Variants in CMBL observed in about 807,000 individuals in gnomAD.
CMBL encodes the protein carboxymethylenebutenolidase homolog.
In CMBL, 17 loss-of-function variants were observed where a neutral mutation model predicts 28.7. That is an observed-to-expected ratio of 0.59 (90% CI 0.41 to 0.89). CMBL has a LOEUF of 0.89. CMBL is among the 40% of genes least tolerant of loss of function. The probability of loss-of-function intolerance (pLI) is 0.00; values close to 1 mark genes in which losing one functional copy is unlikely to be tolerated. For synonymous variants in CMBL, 106 were observed against 101.6 expected, an observed-to-expected ratio of 1.04 and a Z score of -0.26; for missense variants, 310 against 298.5, an observed-to-expected ratio of 1.04 and a Z score of -0.28.
At chr5:10,291,618 G>A (rs2578633) in intron 1 of CMBL, among the ~76,000 whole-genome samples, 3 of 151,086 alleles carry the variant, frequency 2.0e-5, no homozygotes, top group Non-Finnish European at 4.4e-5. Flanking sequence ...CCGAGATCGC[G>A]CCACTGCACT....
intron 4 of CMBL, 138 bp downstream of exon 4, chr5:10,286,216 C>T: frequency 1.2e-6 from 1 of 867,174 alleles, no homozygotes; most frequent in Admixed American, 2.9e-5. Context: ...TTTTCAGATT[C>T]TTAAAACCCA....
Position 10,283,429 on chromosome 5 carries a change from G to A in CMBL, c.467-1141C>T, listed in dbSNP as rs1308793152. ...GGTATTTAGACTCGCACCAGACCAC[G>A]AGTGTGGAAGTGTGGAAGTGTGAAA... On this transcript the variant is annotated intron_variant, in intron 4 of 5. Coordinates refer to ENST00000296658, the MANE Select transcript of CMBL (RefSeq NM_138809.4). Among the ~76,000 whole-genome samples, 7 of 152,246 alleles carry A rather than the reference G, an allele frequency of 4.6e-5. No individual in the cohort carries two copies. The South Asian group carries it at 6.2e-4, about 14-fold the overall frequency.
intron 4 of CMBL, among the ~76,000 whole-genome samples, chr5:10,282,777 G>A (rs895140490): frequency 1.1e-4 from 16 of 151,160 alleles, no homozygotes; most frequent in Non-Finnish European, 1.8e-4. Context: ...GTGAGACCCC[G>A]TCAAAACAAA....
chr5:10,291,205 T>C (rs909216154), intron 1 of CMBL, among the ~76,000 whole-genome samples: 2 of 152,010 alleles, frequency 1.3e-5, no homozygotes, highest in East Asian at 3.9e-4. Flanking sequence ...TCGAAGCACA[T>C]GAGACGGGAA....
In CMBL at chr5:10,278,227, G is replaced by A. The variant is rs968878626; in HGVS notation, c.*2226C>T. Among the ~76,000 whole-genome samples, 1 of 152,210 alleles carries A rather than the reference G, an allele frequency of 6.6e-6. No homozygotes were observed. Among genetic ancestry groups the A allele is most frequent in the Non-Finnish European group, 1.5e-5 (1 of 68,038 alleles). On this transcript the variant is annotated 3_prime_UTR_variant, in exon 6 of 6. Transcript: ENST00000296658. ...TTCCTGAGCATCTATTTGAATGTAA[G>A]TTGGACTTTCTCATACTAGAAGCAG...
chr5:10,291,936 C>T (rs541177789), intron 1 of CMBL: 1 of 152,266 alleles, frequency 6.6e-6, no homozygotes, highest in Admixed American at 6.5e-5. Context: ...ACACAACACC[C>T]TGGAGGAATT....
chr5:10,279,504 G>T lies in CMBL; in HGVS notation c.*949C>A, dbSNP rs1323173839. The T allele has an allele frequency of 6.6e-6, 1 of 151,534 alleles. No individual in the cohort carries two copies. Among genetic ancestry groups the T allele is most frequent in the Non-Finnish European group, 1.5e-5 (1 of 67,976 alleles). 9.4% of individuals were successfully genotyped at this position (151,534 alleles called of 1,614,324 possible). A position where few individuals can be genotyped will look rare whatever the true frequency, so the allele number is the denominator to read the frequency against. On this transcript the variant is annotated 3_prime_UTR_variant, in exon 6 of 6. Transcript: ENST00000296658. The stretch of plus-strand genomic sequence containing the variant: ...ATGATGTGTTCAAAGACCAGAAAAG[G>T]CCACACTTGACCTGTCAGCTGGTCC...
At chr5:10,296,524 A>G (rs1404449235) in intron 1 of CMBL, among the ~76,000 whole-genome samples, 2 of 152,192 alleles carry the variant, frequency 1.3e-5, no homozygotes, top group Non-Finnish European at 2.9e-5. Flanking sequence ...CAGGTGATCC[A>G]CTGTGCCGGG....
At position 10,280,465 on chromosome 5, in the gene CMBL, G is replaced by A; in HGVS notation, c.726C>T (p.Asn242=). Residue 242 remains asparagine, a synonymous_variant, in exon 6 of 6, where the codon AAC becomes AAT. Coordinates refer to ENST00000296658, the MANE Select transcript of CMBL (RefSeq NM_138809.4). Reference sequence around the variant, plus strand: ...CCCTTGATTCTTGCTACATGTACTTGTTCAGCCACTCAATTAAATTCCTTC... The same window carrying A: ...CCCTTGATTCTTGCTACATGTACTTATTCAGCCACTCAATTAAATTCCTTC... The part of the protein sequence containing the change: ...EARRNLIEWL[N]KYM 1 of 1,600,068 alleles carries A rather than the reference G, an allele frequency of 6.2e-7. No individual in the cohort carries two copies. The highest frequency in any genetic ancestry group is 8.6e-7 in the Non-Finnish European group (1 of 1,169,388).
intron 1 of CMBL, among the ~76,000 whole-genome samples, chr5:10,305,502 C>T (rs1746986675): frequency 6.6e-6 from 1 of 151,292 alleles, no homozygotes; most frequent in African/African-American, 2.4e-5. Context: ...CTCTGCCTAA[C>T]ACAAGCATGT....
intron 1 of CMBL, among the ~76,000 whole-genome samples, chr5:10,305,174 C>T (rs902815442): frequency 2.6e-5 from 4 of 152,146 alleles, no homozygotes; most frequent in Non-Finnish European, 2.9e-5. Flanking sequence ...CTCTGGAAAT[C>T]AGGACGCTTT....
chr5:10,293,219 A>G (rs1746756304), intron 1 of CMBL, among the ~76,000 whole-genome samples: 1 of 152,230 alleles, frequency 6.6e-6, no homozygotes, highest in South Asian at 2.1e-4. Flanking sequence ...AAATAGAATG[A>G]AGCCTTAGTC....
intron 1 of CMBL, among the ~76,000 whole-genome samples, chr5:10,306,494 A>C (rs1747003368): frequency 6.6e-6 from 1 of 152,138 alleles, no homozygotes; most frequent in Non-Finnish European, 1.5e-5. Flanking sequence ...TGGAAGCTTT[A>C]GAAATTTAGA....
At chr5:10,304,055 C>T (rs1000841407) in intron 1 of CMBL, among the ~76,000 whole-genome samples, 4 of 152,154 alleles carry the variant, frequency 2.6e-5, no homozygotes, top group Non-Finnish European at 5.9e-5. Context: ...CCCACGTACA[C>T]GGTTCTCCTT....
chr5:10,280,724 T>A (rs374429023), intron 5 of CMBL, 92 bp from the exon 6 acceptor site: 1 of 1,096,154 alleles, frequency 9.1e-7, no homozygotes, highest in African/African-American at 1.6e-5. Context: ...AAATTTAACA[T>A]CAATGCTTTA....
chr5:10,293,776 C>T (rs748303615), intron 1 of CMBL, among the ~76,000 whole-genome samples: 8 of 152,188 alleles, frequency 5.3e-5, no homozygotes, highest in East Asian at 1.9e-4. Flanking sequence ...CAAACACTGT[C>T]GAAGGTTCTG....
rs918971635 is a variant in CMBL, at chr5:10,295,187, G to A, written c.-19-4406C>T. On this transcript the variant is annotated intron_variant, in intron 1 of 5. Transcript: ENST00000296658. ...CAACCTCCACCTTCTGGGTTCAAGC[G>A]ATTCTCCTGCCTCAGCCTCCCTAAT... Among the ~76,000 whole-genome samples the A allele has an allele frequency of 6.6e-5, 10 of 151,980 alleles. 1 individual carries two copies. Among genetic ancestry groups the A allele is most frequent in the Admixed American group, 1.3e-4 (2 of 15,252 alleles).
chr5:10,298,103 CTG>C (rs1561065888), intron 1 of CMBL, among the ~76,000 whole-genome samples: 2 of 146,644 alleles, frequency 1.4e-5, no homozygotes, highest in Non-Finnish European at 3.0e-5. Context: ...ACAATGGGCT[CTG>C]TAGTCATGAG....
chr5:10,295,200 C>T (rs1460786297), intron 1 of CMBL, among the ~76,000 whole-genome samples: 1 of 152,030 alleles, frequency 6.6e-6, no homozygotes, highest in Non-Finnish European at 1.5e-5. Flanking sequence ...TCTCCTGCCT[C>T]AGCCTCCCTA....
Sources: gnomAD v4.1 joint callset for allele counts (sites outside exome capture counted in the v4.1 genomes callset) on GRCh38, gnomAD v4.1.1 for gene constraint, MANE v1.5 for transcripts, NCBI Gene and HGNC (gene_info 2026-07-23, HGNC 2026-07-21) for gene names.